The following ANKRD30B variants were observed in gnomAD, a reference collection of about 807,000 sequenced individuals.
ANKRD30B encodes ankyrin repeat domain 30B.
ANKRD30B carries 144 observed loss-of-function variants against 202.2 expected under a neutral mutation model. The observed-to-expected ratio is 0.71, with a 90% CI of 0.62 to 0.82. The LOEUF is 0.82. Ranked by LOEUF, ANKRD30B falls within the 40% of genes least tolerant of loss-of-function variation. The probability of loss-of-function intolerance (pLI) is 0.00; values close to 1 mark genes in which losing one functional copy is unlikely to be tolerated. For missense variants in ANKRD30B, 1,487 were observed against 1,669.1 expected, an observed-to-expected ratio of 0.89 and a Z score of 1.90; for synonymous variants, 508 against 561.3, an observed-to-expected ratio of 0.91 and a Z score of 1.34.
the ANKRD30B span, among the ~76,000 whole-genome samples, chr18:14,921,364 G>A: frequency 1.3e-5 from 2 of 148,334 alleles, no homozygotes; most frequent in Non-Finnish European, 2.9e-5. Context: ...AGATATAATT[G>A]CCTGTTGTGG....
intron 15 of ANKRD30B, among the ~76,000 whole-genome samples, chr18:14,788,250 TAAGA>T (rs1363607086): frequency 6.6e-6 from 1 of 152,224 alleles, no homozygotes; most frequent in African/African-American, 2.4e-5. Flanking sequence ...TAGATATTTT[TAAGA>T]GAGATACTTT....
chr18:14,920,224 T>A, the ANKRD30B span, among the ~76,000 whole-genome samples: 1 of 152,344 alleles, frequency 6.6e-6, no homozygotes, highest in African/African-American at 2.4e-5. Flanking sequence ...TACTGGGTGT[T>A]GTGTGAAGCA....
chr18:14,886,348 G>C, the ANKRD30B span, among the ~76,000 whole-genome samples: 6 of 151,944 alleles, frequency 3.9e-5, no homozygotes, highest in Admixed American at 3.9e-4. Context: ...ACAGTTTTAA[G>C]ATTCTAGAAT....
At chr18:14,830,778 G>A (rs1229107286) in intron 33 of ANKRD30B, among the ~76,000 whole-genome samples, 8 of 152,176 alleles carry the variant, frequency 5.3e-5, no homozygotes, top group African/African-American at 1.9e-4. Flanking sequence ...TATACTCAGG[G>A]TATGCCAATT....
intron 40 of ANKRD30B, 75 bp downstream of exon 40, chr18:14,849,004 T>C (rs1971773274): frequency 1.5e-6 from 2 of 1,351,934 alleles, no homozygotes; most frequent in Non-Finnish European, 1.9e-6. Context: ...TTGTAAAAGC[T>C]GACTTACCTT....
chr18:14,767,891 A>G lies in ANKRD30B; in HGVS notation c.1226-1452A>G, dbSNP rs1156338559. On this transcript the variant is annotated intron_variant, in intron 7 of 43. Coordinates refer to ENST00000690538, the MANE Select transcript of ANKRD30B (RefSeq NM_001367607.2). ...GTTGACCATGAATAACTGAAATCACAGAAATCAAAACCATGGATATTATAT... is the reference window on the plus strand; with the variant it reads ...GTTGACCATGAATAACTGAAATCACGGAAATCAAAACCATGGATATTATAT... Among the ~76,000 whole-genome samples the G allele has an allele frequency of 2.0e-5, 3 of 152,242 alleles. No homozygotes were observed. In the East Asian group the frequency reaches 5.8e-4, roughly 29 times the overall value.
chr18:14,876,150 G>A, the ANKRD30B span, among the ~76,000 whole-genome samples: 1 of 139,738 alleles, frequency 7.2e-6, no homozygotes, highest in Admixed American at 7.2e-5. Context: ...AGATGTGGGG[G>A]AGACATAGAT....
At chr18:14,775,591 A>G (rs577557798) in intron 9 of ANKRD30B, among the ~76,000 whole-genome samples, 1 of 152,364 alleles carries the variant, frequency 6.6e-6, no homozygotes, top group South Asian at 2.1e-4. Flanking sequence ...AAACTATAAT[A>G]ACAACAATTT....
intron 9 of ANKRD30B, among the ~76,000 whole-genome samples, chr18:14,776,187 T>G (rs1484743685): frequency 6.6e-6 from 1 of 152,166 alleles, no homozygotes; most frequent in African/African-American, 2.4e-5. Flanking sequence ...CTGATGAGAT[T>G]TTCAATATTT....
At chr18:14,786,922 A>G (rs1968118234) in intron 14 of ANKRD30B, 117 bp from the exon 15 acceptor site, 1 of 1,013,302 alleles carries the variant, frequency 9.9e-7, no homozygotes, top group Non-Finnish European at 1.4e-6. Context: ...CAAAAAGAAT[A>G]TACAGGCTAC....
chr18:14,936,903 G>A, the ANKRD30B span, among the ~76,000 whole-genome samples: 1 of 152,190 alleles, frequency 6.6e-6, no homozygotes, highest in African/African-American at 2.4e-5. Context: ...AATCATGATG[G>A]GAAGGCATTC....
chr18:14,766,865 A>C (rs1252200799), intron 7 of ANKRD30B, among the ~76,000 whole-genome samples: 5 of 152,222 alleles, frequency 3.3e-5, no homozygotes, highest in Non-Finnish European at 5.9e-5. Flanking sequence ...GAGAGGAGTT[A>C]CTTTTAAATG....
chr18:14,908,363 C>T, the ANKRD30B span, among the ~76,000 whole-genome samples: 9 of 152,264 alleles, frequency 5.9e-5, no homozygotes, highest in South Asian at 2.1e-4. Context: ...GACAGCTGTG[C>T]GGGACTCTTT....
intron 4 of ANKRD30B, among the ~76,000 whole-genome samples, chr18:14,755,622 C>A (rs1295836038): frequency 2.6e-5 from 4 of 152,032 alleles, no homozygotes; most frequent in Non-Finnish European, 5.9e-5. Context: ...TCTCACTGTT[C>A]ACTTCCCACC....
chr18:14,890,579 G>T, the ANKRD30B span, among the ~76,000 whole-genome samples: 3 of 151,600 alleles, frequency 2.0e-5, no homozygotes, highest in East Asian at 3.9e-4. Context: ...TACCTGAGAA[G>T]TAGCAGAACT....
At chr18:14,889,568 T>C in the ANKRD30B span, among the ~76,000 whole-genome samples, 1 of 151,654 alleles carries the variant, frequency 6.6e-6, no homozygotes, top group Non-Finnish European at 1.5e-5. Flanking sequence ...AAGCCCATGA[T>C]TGTGAGATTG....
the ANKRD30B span, among the ~76,000 whole-genome samples, chr18:14,900,562 A>G: frequency 7.9e-5 from 12 of 152,104 alleles, no homozygotes; most frequent in Non-Finnish European, 1.6e-4. Flanking sequence ...TCCCCAACTT[A>G]CTGAGCAAAG....
the ANKRD30B span, among the ~76,000 whole-genome samples, chr18:14,935,638 G>T: frequency 6.6e-6 from 1 of 152,226 alleles, no homozygotes; most frequent in African/African-American, 2.4e-5. Context: ...TTATATGTGT[G>T]TGTCTCTGGG....
chr18:14,795,801 T>C (rs1968835295), intron 16 of ANKRD30B, among the ~76,000 whole-genome samples: 1 of 152,074 alleles, frequency 6.6e-6, no homozygotes, highest in African/African-American at 2.4e-5. Flanking sequence ...TAAGAGACTC[T>C]GATGTGTTTC....
Sources: gnomAD v4.1 joint callset for allele counts (sites outside exome capture counted in the v4.1 genomes callset) on GRCh38, gnomAD v4.1.1 for gene constraint, MANE v1.5 for transcripts, NCBI Gene and HGNC (gene_info 2026-07-23, HGNC 2026-07-21) for gene names.